Variants in ANKHD1 observed in about 807,000 individuals in gnomAD.
The protein encoded by ANKHD1 is ankyrin repeat and KH domain-containing protein 1.
A neutral mutation model predicts 230.5 loss-of-function variants in ANKHD1; 31 were observed. That is an observed-to-expected ratio of 0.13 (90% CI 0.10 to 0.18). The LOEUF (loss-of-function observed/expected upper bound fraction) is 0.18. Ranked by LOEUF, ANKHD1 falls within the 10% of genes least tolerant of loss-of-function variation. The probability of loss-of-function intolerance (pLI) is 1.00; values close to 1 mark genes in which losing one functional copy is unlikely to be tolerated. For synonymous variants in ANKHD1, 1,074 were observed against 1,117.6 expected (o/e 0.96, Z 0.78); for missense variants, 2,256 against 3,071.3 (o/e 0.73, Z 6.27).
intron 24 of ANKHD1, among the ~76,000 whole-genome samples, chr5:140,515,151 G>A (rs1752939095): frequency 6.6e-6 from 1 of 151,642 alleles, no homozygotes. Context: ...GGTAGTGCAT[G>A]CCTGTAGCCC....
At chr5:140,495,819 A>G (rs995189945) in intron 14 of ANKHD1, among the ~76,000 whole-genome samples, 4 of 152,158 alleles carry the variant, frequency 2.6e-5, no homozygotes, top group African/African-American at 4.8e-5. Flanking sequence ...TGTTTCTCTC[A>G]TAGACAGAAT....
chr5:140,404,967 C>CTGTGTGTGTGTGTGTGTGTG (rs35692572), intron 1 of ANKHD1, among the ~76,000 whole-genome samples: 3 of 134,832 alleles, frequency 2.2e-5, no homozygotes, highest in Non-Finnish European at 4.9e-5. Flanking sequence ...CTGTGCATGT[C>CTGTGTGTGTGTGTGTGTGTG]TGTGTGTGTG....
At chr5:140,416,558 T>C (rs1771411322) in intron 1 of ANKHD1, among the ~76,000 whole-genome samples, 2 of 152,240 alleles carry the variant, frequency 1.3e-5, no homozygotes, top group Admixed American at 6.5e-5. Flanking sequence ...GGTCTATATG[T>C]CTGTCTCTTT....
chr5:140,528,504 A>T lies in ANKHD1; in HGVS notation c.5558A>T (p.His1853Leu). 6.2e-7 allele frequency: 1 copy of T among 1,613,532 alleles called. No individual in the cohort carries two copies. The highest frequency in any genetic ancestry group is 1.1e-5 in the South Asian group (1 of 91,034). ...FPVSLPLAYP[H>L]PHFALLAAQT... ...GTTTCTCTACCCTTAGCTTATCCTCACCCTCATTTTGCCCTGCTGGCTGCT... is the reference window on the plus strand; with the variant it reads ...GTTTCTCTACCCTTAGCTTATCCTCTCCCTCATTTTGCCCTGCTGGCTGCT... The change falls in exon 29 of 34, where the codon CAC (histidine) becomes CTC (leucine). Residue 1853 changes from histidine to leucine, a missense_variant. This residue lies in a region of ANKHD1 where 778 missense variants were observed against 966.5 expected (regional missense o/e 0.80). Coordinates refer to ENST00000360839, the MANE Select transcript of ANKHD1 (RefSeq NM_017747.3).
At chr5:140,459,023 T>TATGC (rs1775513900) in intron 8 of ANKHD1, 141 bp from the exon 9 acceptor site, 1 of 124,034 alleles carries the variant, frequency 8.1e-6, no homozygotes. Flanking sequence ...TATATATATA[T>TATGC]ATATATTGCA....
chr5:140,500,665 AAAAAG>A (rs1554092038), intron 15 of ANKHD1, among the ~76,000 whole-genome samples: 5 of 115,494 alleles, frequency 4.3e-5, no homozygotes, highest in African/African-American at 1.6e-4. Context: ...AAAAAAAAAA[AAAAAG>A]AAAAGAAAAA....
rs761109114 is a variant in ANKHD1, at chr5:140,537,386, C to T, written c.7028-3C>T. ...TCTTCGGGATCATCTTCACCTCTTT[C>T]AGCCACTTCTGCCCCACCAACGTTG... On this transcript the variant is annotated splice_polypyrimidine_tract_variant and splice_region_variant and intron_variant, in intron 30 of 33. Coordinates refer to ENST00000360839, the MANE Select transcript of ANKHD1 (RefSeq NM_017747.3). 2 of 1,613,726 alleles carry T rather than the reference C, an allele frequency of 1.2e-6. No individual in the cohort carries two copies. Among genetic ancestry groups the T allele is most frequent in the South Asian group, 2.2e-5 (2 of 90,982 alleles).
In ANKHD1 at chr5:140,526,429, C is replaced by A. The variant is rs61758139; in HGVS notation, c.4926C>A (p.Ser1642=). 1.3e-3 allele frequency: 2,084 copies of A among 1,608,668 alleles called. 6 individuals are homozygous for A. The highest frequency in any genetic ancestry group is 1.6e-3 in the Non-Finnish European group (1,920 of 1,177,700). The change falls in exon 26 of 34, where the codon TCC becomes TCA. Residue 1642 remains serine (S), a synonymous_variant. Transcript: ENST00000360839. ...AAGAAAAGACAAGTACTGCTACTTC[C>A]AAAACTCAGACACGGTAAATTTTTC... ...SQEEKTSTAT[S]KTQTRLEGEV...
rs749197636 is a variant in ANKHD1, at chr5:140,402,151, GGCGGCA to G, written c.195_200del (p.Ser66_Gly67del). On this transcript the variant is annotated inframe_deletion, in exon 1 of 34. Transcript: ENST00000360839. ...GTCGGGAGTCGGCAGCAGCGGCGGCGGCGGCAGCGGCAGCGGTACGGGCGGAGGGGA... is the reference window on the plus strand; with the variant it reads ...GTCGGGAGTCGGCAGCAGCGGCGGCGGCGGCAGCGGTACGGGCGGAGGGGA... The G allele has an allele frequency of 1.4e-5, 21 of 1,533,430 alleles. No individual in the cohort carries two copies. Among genetic ancestry groups the G allele is most frequent in the African/African-American group, 2.8e-5 (2 of 70,824 alleles). 95.0% of individuals were successfully genotyped at this position (1,533,430 alleles called of 1,614,324 possible). A position where few individuals can be genotyped will look rare whatever the true frequency, so the allele number is the denominator to read the frequency against.
intron 30 of ANKHD1, among the ~76,000 whole-genome samples, chr5:140,536,633 A>G (rs921480161): frequency 2.6e-5 from 4 of 152,220 alleles, no homozygotes; most frequent in African/African-American, 9.6e-5. Flanking sequence ...AGGGCTGTAG[A>G]AAGGGAAAAA....
intron 32 of ANKHD1, among the ~76,000 whole-genome samples, 153 bp from the exon 33 acceptor site, chr5:140,538,766 G>A (rs950108904): frequency 3.3e-5 from 5 of 152,246 alleles, no homozygotes; most frequent in Non-Finnish European, 7.4e-5. Flanking sequence ...TAAACATTTT[G>A]TTTTCTCAAC....
intron 5 of ANKHD1, among the ~76,000 whole-genome samples, chr5:140,444,240 C>T (rs973381113): frequency 1.3e-5 from 2 of 152,082 alleles, no homozygotes; most frequent in African/African-American, 4.8e-5. Context: ...ACAGATACCC[C>T]TCCTCGCTTC....
chr5:140,479,240 C>T (rs1446997846), intron 10 of ANKHD1, among the ~76,000 whole-genome samples: 5 of 151,848 alleles, frequency 3.3e-5, no homozygotes, highest in African/African-American at 1.2e-4. Flanking sequence ...CTCATGATCC[C>T]CCCCGCCTCG....
At position 140,483,618 on chromosome 5, in the gene ANKHD1, C is replaced by T. The variant is rs1751385320; in HGVS notation, c.1870+951C>T. Among the ~76,000 whole-genome samples the T allele has an allele frequency of 3.3e-5, 5 of 151,844 alleles. No individual in the cohort carries two copies. The East Asian group carries it at 5.8e-4, about 18-fold the overall frequency. ...GATTACAGGCATGCACCACCATGCA[C>T]GGCTAATTTTGTATTTTTAGTAGAG... On this transcript the variant is annotated intron_variant, in intron 11 of 33. Coordinates refer to ENST00000360839, the MANE Select transcript of ANKHD1 (RefSeq NM_017747.3).
At chr5:140,455,834 T>C (rs1380876430) in intron 7 of ANKHD1, among the ~76,000 whole-genome samples, 2 of 152,196 alleles carry the variant, frequency 1.3e-5, no homozygotes, top group Admixed American at 6.5e-5. Context: ...TCACCACTCC[T>C]ATTCAACATA....
At position 140,507,898 on chromosome 5, in the gene ANKHD1, C is replaced by G. The variant is rs1752605456; in HGVS notation, c.3665C>G (p.Thr1222Ser). 1 of 1,614,062 alleles carries G rather than the reference C, an allele frequency of 6.2e-7. No individual in the cohort carries two copies. The highest frequency in any genetic ancestry group is 8.5e-7 in the Non-Finnish European group (1 of 1,180,016). Residue 1222 changes from threonine to serine, a missense_variant, in exon 20 of 34, where the codon ACC becomes AGC. Thr to Ser is a moderately conservative substitution (Grantham distance 58). This residue lies in a region of ANKHD1 where 195 missense variants were observed against 340.3 expected (regional missense o/e 0.57). Transcript: ENST00000360839. The surrounding 1 kb of genome is among the most constrained non-coding windows in gnomAD (Gnocchi z 4.1). ...TCAGACATTAATGCCCAAATAGAGACCAATCGGAACACGGCTCTCACCCTG... is the reference window on the plus strand; with the variant it reads ...TCAGACATTAATGCCCAAATAGAGAGCAATCGGAACACGGCTCTCACCCTG... ...MGSDINAQIE[T>S]NRNTALTLAC...
intron 22 of ANKHD1, among the ~76,000 whole-genome samples, chr5:140,510,544 T>C (rs1268566480): frequency 6.6e-6 from 1 of 151,446 alleles, no homozygotes. Context: ...AACTCCTGAC[T>C]TTGTGATCTG....
intron 9 of ANKHD1, among the ~76,000 whole-genome samples, chr5:140,463,224 A>G (rs1040956545): frequency 1.4e-4 from 22 of 152,138 alleles, no homozygotes; most frequent in African/African-American, 5.1e-4. Context: ...TTACTTCATC[A>G]CGGTCATTCT....
At chr5:140,423,099 C>T (rs1001436173) in intron 1 of ANKHD1, among the ~76,000 whole-genome samples, 2 of 151,938 alleles carry the variant, frequency 1.3e-5, no homozygotes, top group African/African-American at 4.8e-5. Context: ...GGTGAGGTCT[C>T]AATACCTAGG....
Sources: gnomAD v4.1 joint callset for allele counts (sites outside exome capture counted in the v4.1 genomes callset) on GRCh38, gnomAD v4.1.1 for gene constraint, gnomAD v4.1.1 regional missense constraint, Gnocchi (gnomAD v3.1) non-coding constraint, MANE v1.5 for transcripts, NCBI Gene and HGNC (gene_info 2026-07-23, HGNC 2026-07-21) for gene names.